HMGXB3: variants seen among roughly 807,000 people sequenced by gnomAD.
The protein encoded by HMGXB3 is HMG-box containing 3.
HMGXB3 carries 45 observed loss-of-function variants against 121.5 expected under a neutral mutation model. The ratio of observed to expected loss-of-function variants is 0.37; its 90% CI spans 0.29 to 0.47. The LOEUF (loss-of-function observed/expected upper bound fraction) is 0.47. Among genes scored for constraint, HMGXB3 ranks in the 20% least tolerant of loss-of-function variants. HMGXB3 has a pLI of 0.99. For missense variants in HMGXB3, 1,376 were observed against 1,602.2 expected, an observed-to-expected ratio of 0.86 and a Z score of 2.41; for synonymous variants, 590 against 624.1, an observed-to-expected ratio of 0.95 and a Z score of 0.81.
In HMGXB3 at chr5:150,015,034, C is replaced by T; in HGVS notation, c.909+2681C>T. ...ACCACCAATGATTGCCCCTTTTTGG[C>T]CTAAATGTTGTGGTCATTAAAGTTA... On this transcript the variant is annotated intron_variant, in intron 5 of 19. Transcript: ENST00000502717. 1.2e-5 allele frequency: 6 copies of T among 516,948 alleles called. No individual in the cohort carries two copies. In the South Asian group the frequency reaches 2.0e-4, roughly 17 times the overall value. The allele number at this position is 516,948 out of a possible 1,614,324, so 32.0% of individuals were successfully genotyped here.
chr5:150,040,642 G>T lies in HMGXB3; in HGVS notation c.2414-106G>T, dbSNP rs1037924410. On this transcript the variant is annotated intron_variant, in intron 13 of 19. Transcript: ENST00000502717. ...ATCCTCCTGCCTCATCCTCCCAAGTGCCTGCAACTACAGGCACGTGCCACC... is the reference window on the plus strand; with the variant it reads ...ATCCTCCTGCCTCATCCTCCCAAGTTCCTGCAACTACAGGCACGTGCCACC... 2.6e-6 allele frequency: 3 copies of T among 1,139,438 alleles called. No individual in the cohort carries two copies. In the African/African-American group the frequency reaches 4.8e-5, roughly 18 times the overall value. The allele number at this position is 1,139,438 out of a possible 1,614,324, so 70.6% of individuals were successfully genotyped here.
chr5:150,008,087 ACACACACACAC>A (rs2113724832), intron 3 of HMGXB3, among the ~76,000 whole-genome samples: 1 of 151,826 alleles, frequency 6.6e-6, no homozygotes, highest in African/African-American at 2.4e-5. Flanking sequence ...ACACACACAC[ACACACACACAC>A]AAATCAGCAA....
chr5:150,035,481 G>A (rs943903774), intron 11 of HMGXB3, among the ~76,000 whole-genome samples: 3 of 152,116 alleles, frequency 2.0e-5, no homozygotes, highest in East Asian at 1.9e-4. Flanking sequence ...ATTTGGAGAC[G>A]GTAAACATCC....
intron 1 of HMGXB3, 97 bp from the exon 2 acceptor site, chr5:150,004,754 A>T: frequency 1.3e-6 from 1 of 795,932 alleles, no homozygotes. Context: ...TCTAAGCCTT[A>T]AGGCACTGGC....
At chr5:150,045,753 G>A (rs370131352) in intron 16 of HMGXB3, 68 bp downstream of exon 16, 1 of 1,264,974 alleles carries the variant, frequency 7.9e-7, no homozygotes, top group Non-Finnish European at 1.1e-6. Context: ...CATTGTCCAT[G>A]GCAAGATAGC....
At chr5:150,022,835 T>C (rs1334676720) in intron 6 of HMGXB3, among the ~76,000 whole-genome samples, 1 of 150,184 alleles carries the variant, frequency 6.7e-6, no homozygotes, top group Non-Finnish European at 1.5e-5. Context: ...TTTTTTTTTT[T>C]TCCAGACAGG....
At chr5:150,049,052 A>C (rs866239699) in intron 18 of HMGXB3, among the ~76,000 whole-genome samples, 5 of 152,216 alleles carry the variant, frequency 3.3e-5, no homozygotes, top group Non-Finnish European at 7.3e-5. Context: ...ATAGAAAGTA[A>C]CAGGGAGGAA....
At chr5:150,028,126 G>T (rs1756276839) in intron 9 of HMGXB3, among the ~76,000 whole-genome samples, 1 of 152,134 alleles carries the variant, frequency 6.6e-6, no homozygotes, top group African/African-American at 2.4e-5. Flanking sequence ...CATTGGTTCA[G>T]TCTGGAAAGG....
chr5:150,042,042 TC>T, intron 15 of HMGXB3, 73 bp downstream of exon 15: 2 of 1,273,772 alleles, frequency 1.6e-6, no homozygotes, highest in Non-Finnish European at 2.2e-6. Context: ...CTATATGATA[TC>T]CCCAGGGGGT....
intron 6 of HMGXB3, among the ~76,000 whole-genome samples, chr5:150,023,816 G>A (rs1756157631): frequency 6.6e-6 from 1 of 152,244 alleles, no homozygotes; most frequent in South Asian, 2.1e-4. Context: ...CTGTCCACAT[G>A]AGGTTGCGGC....
chr5:150,004,213 A>G (rs4705405), intron 1 of HMGXB3, among the ~76,000 whole-genome samples: 25,930 of 151,820 alleles, frequency 0.17, 2,791 homozygotes, highest in African/African-American at 0.28. Flanking sequence ...GTATCCTTTG[A>G]GTCTTATCAC....
chr5:150,015,996 C>T (rs540234985), intron 5 of HMGXB3, among the ~76,000 whole-genome samples: 4 of 152,270 alleles, frequency 2.6e-5, no homozygotes, highest in East Asian at 1.9e-4. Context: ...TGATTGATAA[C>T]GTTCAACCCT....
chr5:150,027,672 T>C (rs954022927), intron 9 of HMGXB3, among the ~76,000 whole-genome samples: 4 of 152,002 alleles, frequency 2.6e-5, no homozygotes, highest in African/African-American at 9.7e-5. Context: ...TGCCTCAGCC[T>C]TTCCTGAGTA....
At chr5:150,012,414 G>T (rs377390745) in intron 5 of HMGXB3, 61 bp downstream of exon 5, 1 of 1,169,536 alleles carries the variant, frequency 8.6e-7, no homozygotes, top group Non-Finnish European at 1.3e-6. Flanking sequence ...TTTTTTCTAA[G>T]TAGATTTGTC....
At chr5:150,036,586 C>G (rs1283665928) in intron 11 of HMGXB3, 50 bp from the exon 12 acceptor site, 2 of 1,442,278 alleles carry the variant, frequency 1.4e-6, no homozygotes, top group Non-Finnish European at 1.8e-6. Flanking sequence ...TAGCCTGAAG[C>G]TGGCTCTTTC....
At position 150,005,456 on chromosome 5, in the gene HMGXB3, G is replaced by A. The variant is rs773887435; in HGVS notation, c.137+467G>A. On this transcript the variant is annotated intron_variant, in intron 2 of 19. Transcript: ENST00000502717. ...CTCTACTAAAAATACAAAATTAGCC[G>A]GGCGTGGTGGCGCACACCTGTAATC... 9.2e-5 allele frequency among the ~76,000 whole-genome samples: 14 copies of A among 152,016 alleles called. No individual in the cohort carries two copies. In the South Asian group the frequency reaches 1.7e-3, roughly 18 times the overall value.
intron 9 of HMGXB3, among the ~76,000 whole-genome samples, chr5:150,028,968 G>A (rs565852994): frequency 1.3e-5 from 2 of 152,036 alleles, no homozygotes; most frequent in Non-Finnish European, 2.9e-5. Context: ...TCCAGTCTAG[G>A]ATCAGATATT....
chr5:150,048,829 C>A, intron 18 of HMGXB3, 144 bp downstream of exon 18: 5 of 657,380 alleles, frequency 7.6e-6, no homozygotes, highest in Non-Finnish European at 2.7e-6. Flanking sequence ...CAGGTGCTAC[C>A]CCCTGGGCTA....
At chr5:150,031,210 A>G (rs1026063596) in intron 10 of HMGXB3, among the ~76,000 whole-genome samples, 3 of 152,228 alleles carry the variant, frequency 2.0e-5, no homozygotes, top group African/African-American at 7.2e-5. Flanking sequence ...TTTCTCCCTA[A>G]AACAGAGTCC....
Sources: gnomAD v4.1 joint callset for allele counts (sites outside exome capture counted in the v4.1 genomes callset) on GRCh38, gnomAD v4.1.1 for gene constraint, MANE v1.5 for transcripts, NCBI Gene and HGNC (gene_info 2026-07-23, HGNC 2026-07-21) for gene names.